The following PPARGC1A variants were observed in gnomAD, a reference collection of about 807,000 sequenced individuals.
PPARGC1A encodes PPARG coactivator 1 alpha.
In PPARGC1A, 25 loss-of-function variants were observed where a neutral mutation model predicts 88.7. The observed-to-expected ratio is 0.28, with a 90% confidence interval of 0.21 to 0.39. The LOEUF is 0.39. Among genes scored for constraint, PPARGC1A ranks in the 10% least tolerant of loss-of-function variants. PPARGC1A has a pLI of 1.00. For synonymous variants in PPARGC1A, 363 were observed against 355.6 expected (o/e 1.02, Z -0.24); for missense variants, 880 against 968.7 (o/e 0.91, Z 1.22).
At chr4:24,281,615 G>C in the PPARGC1A span, among the ~76,000 whole-genome samples, 1 of 152,196 alleles carries the variant, frequency 6.6e-6, no homozygotes, top group Non-Finnish European at 1.5e-5. Context: ...GTTTGAAGGG[G>C]ACGAAAACCG....
intron 2 of PPARGC1A, chr4:23,884,247 T>C: frequency 6.5e-6 from 1 of 153,064 alleles, no homozygotes; most frequent in Non-Finnish European, 1.5e-5. Context: ...CAATTCCCAT[T>C]ATATAAAGAA....
chr4:23,972,706 T>C, the PPARGC1A span, among the ~76,000 whole-genome samples: 2 of 152,228 alleles, frequency 1.3e-5, 1 homozygote, highest in South Asian at 4.1e-4. Context: ...TGAAAAGTCC[T>C]ACAATGGAAT....
chr4:24,112,525 T>C, the PPARGC1A span, among the ~76,000 whole-genome samples: 1 of 152,182 alleles, frequency 6.6e-6, no homozygotes, highest in Non-Finnish European at 1.5e-5. Context: ...CATTTGTAGA[T>C]GTACACCTAG....
At chr4:24,281,802 A>G in the PPARGC1A span, among the ~76,000 whole-genome samples, 1 of 150,564 alleles carries the variant, frequency 6.6e-6, no homozygotes, top group African/African-American at 2.5e-5. Context: ...TGTCCATACC[A>G]CATAATAATG....
At chr4:24,027,482 C>T in the PPARGC1A span, among the ~76,000 whole-genome samples, 1 of 152,068 alleles carries the variant, frequency 6.6e-6, no homozygotes, top group East Asian at 1.9e-4. Flanking sequence ...AGGCCCAACG[C>T]ATAGTAAAAA....
chr4:23,894,486 A>T (rs1243753990), upstream of PPARGC1A, among the ~76,000 whole-genome samples: 1 of 152,160 alleles, frequency 6.6e-6, no homozygotes, highest in Non-Finnish European at 1.5e-5. Context: ...AGTGATGTCC[A>T]TGTGAACAAA....
At chr4:24,317,555 TAAAAAAAAAAAAAAAA>T in the PPARGC1A span, among the ~76,000 whole-genome samples, 141 of 22,212 alleles carry the variant, frequency 6.3e-3, no homozygotes, top group Non-Finnish European at 0.01. Flanking sequence ...TTCAGAGGAC[TAAAAAAAAAAAAAAAA>T]AAAAAAAAAA....
At chr4:24,308,293 GAAAAAA>G in the PPARGC1A span, among the ~76,000 whole-genome samples, 1 of 72,948 alleles carries the variant, frequency 1.4e-5, no homozygotes, top group Non-Finnish European at 2.7e-5. Context: ...CTCTGCCACC[GAAAAAA>G]AAAAAAAAAA....
chr4:24,164,963 T>C, the PPARGC1A span, among the ~76,000 whole-genome samples: 1 of 152,110 alleles, frequency 6.6e-6, no homozygotes. Context: ...GAGAGGAGCC[T>C]GCTGAGGGGG....
At chr4:24,052,500 G>T in the PPARGC1A span, among the ~76,000 whole-genome samples, 1 of 152,170 alleles carries the variant, frequency 6.6e-6, no homozygotes, top group Admixed American at 6.5e-5. Context: ...AGCTGGGCAT[G>T]GTGGTGCACA....
the PPARGC1A span, among the ~76,000 whole-genome samples, chr4:23,992,200 T>A: frequency 2.1e-4 from 32 of 152,188 alleles, no homozygotes; most frequent in Middle Eastern, 3.4e-3. Flanking sequence ...TTTATAGCTC[T>A]GCACTAGTAC....
At chr4:24,165,416 A>G in the PPARGC1A span, among the ~76,000 whole-genome samples, 1 of 152,204 alleles carries the variant, frequency 6.6e-6, no homozygotes, top group Non-Finnish European at 1.5e-5. Flanking sequence ...GGCAACCCTG[A>G]TTGATAATGA....
intron 8 of PPARGC1A, 35 bp downstream of exon 8, chr4:23,813,655 A>G: frequency 6.9e-7 from 1 of 1,450,622 alleles, no homozygotes; most frequent in Non-Finnish European, 9.3e-7. Context: ...TCTTAGGAAC[A>G]CCTTTTGTGT....
At chr4:24,033,448 T>C in the PPARGC1A span, among the ~76,000 whole-genome samples, 1 of 150,282 alleles carries the variant, frequency 6.7e-6, no homozygotes, top group African/African-American at 2.5e-5. Flanking sequence ...CACGTACAAA[T>C]TAAAGAACAG....
the PPARGC1A span, among the ~76,000 whole-genome samples, chr4:24,319,756 T>C: frequency 6.6e-6 from 1 of 152,182 alleles, no homozygotes. Flanking sequence ...AAGGCAAACA[T>C]GCGGGGTCTC....
chr4:24,318,323 C>T, the PPARGC1A span, among the ~76,000 whole-genome samples: 15 of 152,298 alleles, frequency 9.8e-5, no homozygotes, highest in African/African-American at 3.6e-4. Flanking sequence ...ATGACACAAG[C>T]TGTTTCTAAG....
At chr4:23,989,721 G>A in the PPARGC1A span, among the ~76,000 whole-genome samples, 1 of 151,710 alleles carries the variant, frequency 6.6e-6, no homozygotes, top group Non-Finnish European at 1.5e-5. Context: ...GAATACTAAA[G>A]TTTTCTGTAG....
chr4:24,238,261 T>G, the PPARGC1A span, among the ~76,000 whole-genome samples: 1 of 152,188 alleles, frequency 6.6e-6, no homozygotes, highest in Non-Finnish European at 1.5e-5. Flanking sequence ...TACTTAGTTA[T>G]TACCTATCCA....
At chr4:24,277,599 C>T in the PPARGC1A span, among the ~76,000 whole-genome samples, 1 of 152,162 alleles carries the variant, frequency 6.6e-6, no homozygotes, top group African/African-American at 2.4e-5. Context: ...TCTAACTGCT[C>T]ATAAAAAGAC....
Sources: gnomAD v4.1 joint callset for allele counts (sites outside exome capture counted in the v4.1 genomes callset) on GRCh38, gnomAD v4.1.1 for gene constraint, MANE v1.5 for transcripts, NCBI Gene and HGNC (gene_info 2026-07-23, HGNC 2026-07-21) for gene names.